Variants in NOL7 observed in about 807,000 individuals in gnomAD.
The protein encoded by NOL7 is nucleolar protein 7.
In NOL7, 36 loss-of-function variants were observed where a neutral mutation model predicts 38.4. That is an observed-to-expected ratio of 0.94 (90% CI 0.72 to 1.24). The LOEUF (loss-of-function observed/expected upper bound fraction) is 1.24. NOL7 is among the 50% of genes most tolerant of loss of function. The pLI, the probability that NOL7 is intolerant of heterozygous loss-of-function variation, is 0.00. For missense variants in NOL7, 350 were observed against 315.1 expected, an observed-to-expected ratio of 1.11 and a Z score of -0.84; for synonymous variants, 142 against 126.5, an observed-to-expected ratio of 1.12 and a Z score of -0.82.
In NOL7 at chr6:13,618,132, T is replaced by C; in HGVS notation, c.493T>C (p.Ser165Pro). 6.4e-7 allele frequency: 1 copy of C among 1,574,252 alleles called. No individual in the cohort carries two copies. The change falls in exon 5 of 8, where the codon TCT becomes CCT. Residue 165 changes from serine (S) to proline (P), a missense_variant. By Grantham distance (74) the Ser-to-Pro change is moderately conservative. Coordinates refer to ENST00000451315, the MANE Select transcript of NOL7 (RefSeq NM_016167.5). ...GAAAGTTAAAGTACAAAAAGTACAG[T>C]CTGTCAGGTAATGAGTCTTTTGTTT... ...SKKVKVQKVQSVSQNKSYLAV... is the reference protein window; with the variant it reads ...SKKVKVQKVQPVSQNKSYLAV...
chr6:13,615,462 T>C lies in NOL7; in HGVS notation c.104T>C (p.Leu35Pro). 2 of 1,550,778 alleles carry C rather than the reference T, an allele frequency of 1.3e-6. No individual in the cohort carries two copies. The highest frequency in any genetic ancestry group is 4.9e-5 in the East Asian group (2 of 40,988). ...GAGGAGGAGGAGGCGGAGCACGGGC[T>C]GTTGCTCGGGCAGCCCAGCAGCGGC... ...ASEEEEAEHG[L>P]LLGQPSSGAA... Residue 35 changes from leucine (L) to proline (P), a missense_variant, in exon 1 of 8, where the codon CTG (leucine) becomes CCG (proline). Transcript: ENST00000451315.
At chr6:13,626,221 G>GA (rs2127758549), downstream of NOL7, among the ~76,000 whole-genome samples, 1 of 152,298 alleles carries the variant, frequency 6.6e-6, no homozygotes, top group Admixed American at 6.5e-5. Context: ...ATTCAGTTAT[G>GA]AAAAAATTAA....
In NOL7 at chr6:13,617,770, C is replaced by T; in HGVS notation, c.387C>T (p.Asn129=). 6.2e-7 allele frequency: 1 copy of T among 1,613,406 alleles called. No individual in the cohort carries two copies. The highest frequency in any genetic ancestry group is 8.5e-7 in the Non-Finnish European group (1 of 1,179,468). Residue 129 remains asparagine, a splice_region_variant and synonymous_variant, in exon 4 of 8, where the codon AAC becomes AAT. Transcript: ENST00000451315. The part of the protein sequence containing the change: ...LEKLTTASQT[N]IKKSPGKVKE... ...CAGTGGTTTTGTTTTTTTTCCTTAG[C>T]ATCAAGAAATCGCCAGGAAAGGTGA...
downstream of NOL7, chr6:13,625,663 A>G (rs1386538679): frequency 1.2e-6 from 2 of 1,603,834 alleles, no homozygotes; most frequent in East Asian, 2.2e-5. Flanking sequence ...CTAATATTGC[A>G]CTGTTAAGAG....
At chr6:13,627,234 T>C (rs1764633591) in intron 8 of NOL7, among the ~76,000 whole-genome samples, 1 of 152,188 alleles carries the variant, frequency 6.6e-6, no homozygotes, top group Non-Finnish European at 1.5e-5. Context: ...CCCACAAAGC[T>C]ACTTGGTTCT....
At chr6:13,618,275 C>CT (rs1475329444) in intron 5 of NOL7, 136 bp downstream of exon 5, 101 of 254,178 alleles carry the variant, frequency 4.0e-4, no homozygotes, top group African/African-American at 2.2e-3. Context: ...GAGTCTCGCT[C>CT]TGTCGCCCAG....
downstream of NOL7, among the ~76,000 whole-genome samples, chr6:13,623,130 CTTTGTCAGACA>C (rs1764501414): frequency 6.6e-6 from 1 of 152,142 alleles, no homozygotes; most frequent in Non-Finnish European, 1.5e-5. Context: ...TCATAAGTTT[CTTTGTCAGACA>C]TTTGTAGTAC....
chr6:13,627,066 C>A (rs1258510660), intron 8 of NOL7, among the ~76,000 whole-genome samples: 1 of 152,146 alleles, frequency 6.6e-6, no homozygotes, highest in East Asian at 1.9e-4. Context: ...GGGTAGTTTT[C>A]TCCTCCAATT....
At chr6:13,629,793 G>C (rs530365473) in intron 8 of NOL7, among the ~76,000 whole-genome samples, 1 of 152,178 alleles carries the variant, frequency 6.6e-6, no homozygotes, top group Admixed American at 6.5e-5. Flanking sequence ...AAAGAGGAAA[G>C]AAGACTTTGA....
intron 8 of NOL7, among the ~76,000 whole-genome samples, chr6:13,631,317 T>G (rs1380172009): frequency 6.6e-6 from 1 of 152,288 alleles, no homozygotes; most frequent in Non-Finnish European, 1.5e-5. Flanking sequence ...TAACTTGAGG[T>G]GCTCTATAAC....
rs748686876 is a variant in NOL7 at position 13,616,483 on chromosome 6, C to T, written c.348C>T (p.Asp116=). The stretch of plus-strand genomic sequence containing the variant: ...AAAAGAAAAGAAAACTCCTTCCAGA[C>T]ACTATTTTGGAGAAGTTAACCACAG... ...IEQKKRKLLP[D]TILEKLTTAS... The change falls in exon 3 of 8, where the codon GAC becomes GAT. Residue 116 remains aspartate (D), a synonymous_variant. Transcript: ENST00000451315. 10 of 1,608,452 alleles carry T rather than the reference C, an allele frequency of 6.2e-6. No individual in the cohort carries two copies. The South Asian group carries it at 1.0e-4, about 16-fold the overall frequency.
At chr6:13,625,686 G>C (rs564437360), downstream of NOL7, 27 of 1,612,760 alleles carry the variant, frequency 1.7e-5, no homozygotes, top group East Asian at 3.8e-4. Context: ...GAGCACACAG[G>C]TTCTCTCTGA....
Position 13,620,287 on chromosome 6 carries a change from A to G in NOL7, c.580A>G (p.Ile194Val). 7 of 1,614,246 alleles carry G rather than the reference A, an allele frequency of 4.3e-6. No individual in the cohort carries two copies. The highest frequency in any genetic ancestry group is 1.3e-5 in the African/African-American group (1 of 75,076). Residue 194 changes from isoleucine to valine, a missense_variant, in exon 6 of 8, where the codon ATA becomes GTA. Ile to Val is a conservative substitution (Grantham distance 29). Transcript: ENST00000451315. ...AAGGCAACAAGCAGCACAAGCCTTC[A>G]TACATAATTCATTATATGGGCCAGG... ...DSRQQAAQAF[I>V]HNSLYGPGTN...
rs1584899891 is a variant in NOL7 at position 13,618,051 on chromosome 6, T to G, written c.419-7T>G. 1 of 1,436,010 alleles carries G rather than the reference T, an allele frequency of 7.0e-7. No homozygotes were observed. The highest frequency in any genetic ancestry group is 9.7e-7 in the Non-Finnish European group (1 of 1,028,834). The allele number at this position is 1,436,010 out of a possible 1,614,324, so 89.0% of individuals were successfully genotyped here. A position where few individuals can be genotyped will look rare whatever the true frequency, so the allele number is the denominator to read the frequency against. ...TGCTAATTAGAAAATGTAACTCTAT[T>G]TTTTAGTTAATTTGCAAAAGAAAAA... On this transcript the variant is annotated splice_region_variant and splice_polypyrimidine_tract_variant and intron_variant, in intron 4 of 7. Coordinates refer to ENST00000451315, the MANE Select transcript of NOL7 (RefSeq NM_016167.5).
At position 13,615,511 on chromosome 6, in the gene NOL7, A is replaced by C. The variant is rs545142311; in HGVS notation, c.153A>C (p.Glu51Asp). 4 of 1,555,042 alleles carry C rather than the reference A, an allele frequency of 2.6e-6. No homozygotes were observed. The South Asian group carries it at 4.7e-5, about 18-fold the overall frequency. The stretch of plus-strand genomic sequence containing the variant: ...GCGCGGCCGCCGAGCCCCTGGAGGA[A>C]GACGAGGAAGGGGACGATGAGTTTG... Reference protein sequence around the residue: ...SSGAAAEPLEEDEEGDDEFDD... With the variant: ...SSGAAAEPLEDDEEGDDEFDD... The change falls in exon 1 of 8, where the codon GAA becomes GAC. Residue 51 changes from glutamate (E) to aspartate (D), a missense_variant. Glu to Asp is a conservative substitution (Grantham distance 45, BLOSUM62 2). Coordinates refer to ENST00000451315, the MANE Select transcript of NOL7 (RefSeq NM_016167.5).
chr6:13,615,532 G>A lies in NOL7; in HGVS notation c.174G>A (p.Glu58=), dbSNP rs764209310. ...AGGAAGACGAGGAAGGGGACGATGA[G>A]TTTGACGATGAGGCCCCGGAGGAGC... is the stretch of plus-strand genomic sequence containing the variant. ...PLEEDEEGDD[E]FDDEAPEELT... Residue 58 remains glutamate, a synonymous_variant, in exon 1 of 8, where the codon GAG becomes GAA. Coordinates refer to ENST00000451315, the MANE Select transcript of NOL7 (RefSeq NM_016167.5). The A allele has an allele frequency of 1.4e-4, 223 of 1,557,812 alleles. No homozygotes were observed. Among genetic ancestry groups the A allele is most frequent in the Non-Finnish European group, 1.8e-4 (212 of 1,150,258 alleles).
chr6:13,629,921 C>CTCGTGTGTGT (rs1554221305), intron 8 of NOL7, among the ~76,000 whole-genome samples: 1 of 128,342 alleles, frequency 7.8e-6, no homozygotes, highest in African/African-American at 2.8e-5. Context: ...CTCTCTCTCT[C>CTCGTGTGTGT]GTGTGTGTGT....
chr6:13,629,895 GTC>G (rs35437953), intron 8 of NOL7, among the ~76,000 whole-genome samples: 20,563 of 143,340 alleles, frequency 0.14, 1,501 homozygotes, highest in Admixed American at 0.21. Flanking sequence ...TCATGTCTCT[GTC>G]TCTCTCTCTC....
At chr6:13,631,190 C>T (rs1764771423) in intron 8 of NOL7, among the ~76,000 whole-genome samples, 12 of 152,070 alleles carry the variant, frequency 7.9e-5, no homozygotes, top group Admixed American at 6.5e-4. Flanking sequence ...TTTTTGATAG[C>T]TCAGGGTAAC....
Sources: allele counts gnomAD v4.1 joint callset (sites outside exome capture counted in the v4.1 genomes callset), GRCh38; gene constraint gnomAD v4.1.1; transcripts MANE v1.5; gene names NCBI Gene and HGNC (gene_info 2026-07-23, HGNC 2026-07-21).